Variants in DCUN1D5 observed in about 807,000 individuals in gnomAD.
DCUN1D5 encodes DCN1-like protein 5.
In DCUN1D5, 10 loss-of-function variants were observed where a neutral mutation model predicts 38.3. The observed-to-expected ratio is 0.26, with a 90% confidence interval of 0.16 to 0.44. The LOEUF (loss-of-function observed/expected upper bound fraction) is 0.44, where lower values mean the gene tolerates loss of function less well. Ranked by LOEUF, DCUN1D5 falls within the 20% of genes least tolerant of loss-of-function variation. The pLI, the probability that DCUN1D5 is intolerant of heterozygous loss-of-function variation, is 1.00. For missense variants in DCUN1D5, 148 were observed against 275.3 expected (o/e 0.54, Z 3.27); for synonymous variants, 93 against 90.9 (o/e 1.02, Z -0.13).
In DCUN1D5 at chr11:103,057,675, G is replaced by A. The variant is rs117674362; in HGVS notation, c.*4684C>T. ...GTCGAGGCTGCAGTGAGCTGAGACC[G>A]CACCACTGCACTCCATCCTGGGTGA... On this transcript the variant is annotated 3_prime_UTR_variant, in exon 8 of 8. Transcript: ENST00000260247. The surrounding 1 kb of genome is among the most constrained non-coding windows in gnomAD (Gnocchi z 4.8). Among the ~76,000 whole-genome samples, 2,081 of 151,624 alleles carry A rather than the reference G, an allele frequency of 0.014. 30 individuals are homozygous for A. The highest frequency in any genetic ancestry group is 0.021 in the Non-Finnish European group (1,458 of 67,910).
rs2134595949 is a variant in DCUN1D5, at chr11:103,060,291, T to G, written c.*2068A>C. Among the ~76,000 whole-genome samples, 1 of 152,178 alleles carries G rather than the reference T, an allele frequency of 6.6e-6. No homozygotes were observed. The highest frequency in any genetic ancestry group is 2.4e-5 in the African/African-American group (1 of 41,514). On this transcript the variant is annotated 3_prime_UTR_variant, in exon 8 of 8. Transcript: ENST00000260247. Reference sequence around the variant, plus strand: ...ACTTTAAGGGAAAAAATAAAGTAAATTTCATTTTCAGACTCAAAAAGTCTT... The same window carrying G: ...ACTTTAAGGGAAAAAATAAAGTAAAGTTCATTTTCAGACTCAAAAAGTCTT...
At chr11:103,068,312 G>C (rs957002453) in intron 4 of DCUN1D5, among the ~76,000 whole-genome samples, 2 of 151,976 alleles carry the variant, frequency 1.3e-5, no homozygotes, top group African/African-American at 2.4e-5. Flanking sequence ...ATTCGATCCA[G>C]CAATCCCATT....
chr11:103,070,450 G>T (rs1862244024), intron 4 of DCUN1D5, among the ~76,000 whole-genome samples: 1 of 152,120 alleles, frequency 6.6e-6, no homozygotes, highest in Admixed American at 6.5e-5. Context: ...CAAAGAAAAT[G>T]ATCAGAACAG....
At position 103,053,177 on chromosome 11, in the gene DCUN1D5, C is replaced by A. The variant is rs953110054; in HGVS notation, c.*9182G>T. On this transcript the variant is annotated 3_prime_UTR_variant, in exon 8 of 8. Transcript: ENST00000260247. The surrounding 1 kb of genome is among the most constrained non-coding windows in gnomAD (Gnocchi z 4.8). ...AAAAATAGAGTCCTTCCTATGAAGT[C>A]AAACCAATCCACTTTTAAAGACAGC... 2.0e-5 allele frequency: 3 copies of A among 151,998 alleles called. No individual in the cohort carries two copies. Among genetic ancestry groups the A allele is most frequent in the African/African-American group, 7.2e-5 (3 of 41,404 alleles). 9.4% of individuals were successfully genotyped at this position (151,998 alleles called of 1,614,324 possible).
intron 2 of DCUN1D5, among the ~76,000 whole-genome samples, chr11:103,088,518 T>C (rs902721744): frequency 2.0e-5 from 3 of 152,330 alleles, no homozygotes; most frequent in Admixed American, 1.3e-4. Context: ...AACCCCATCC[T>C]GGGCCTAGGG....
chr11:103,084,351 G>C (rs765269788), intron 2 of DCUN1D5, among the ~76,000 whole-genome samples: 1 of 152,146 alleles, frequency 6.6e-6, no homozygotes. Flanking sequence ...ACCATATTTA[G>C]GTTACTAGCA....
chr11:103,083,440 G>T lies in DCUN1D5; in HGVS notation c.179-114C>A. On this transcript the variant is annotated intron_variant, in intron 2 of 7. Coordinates refer to ENST00000260247, the MANE Select transcript of DCUN1D5 (RefSeq NM_032299.4). This position sits in a 1 kb window ranked among gnomAD's most constrained non-coding sequence, Gnocchi z 4.4. ...TAATATTTTGCAAATAATTAAATTTGAATTTTGGCATAGCTTTGATAAGTA... is the reference window on the plus strand; with the variant it reads ...TAATATTTTGCAAATAATTAAATTTTAATTTTGGCATAGCTTTGATAAGTA... 1 of 581,458 alleles carries T rather than the reference G, an allele frequency of 1.7e-6. No individual in the cohort carries two copies. 36.0% of individuals were successfully genotyped at this position (581,458 alleles called of 1,614,324 possible).
rs758256400 is a variant in DCUN1D5 at position 103,062,365 on chromosome 11, T to A, written c.708A>T (p.Thr236=). The A allele has an allele frequency of 6.2e-7, 1 of 1,613,638 alleles. No individual in the cohort carries two copies. The highest frequency in any genetic ancestry group is 1.1e-5 in the South Asian group (1 of 91,056). The change falls in exon 8 of 8, where the codon ACA becomes ACT. Residue 236 remains threonine (T), a synonymous_variant. Transcript: ENST00000260247. The surrounding 1 kb of genome is among the most constrained non-coding windows in gnomAD (Gnocchi z 4.6). The part of the protein sequence containing the change: ...EFVEWQKVRQ[T]S ...TTTCTTCACATAGTTCTTGCTATGA[T>A]GTCTGACGGACTTTTTGCCACTCAA...
chr11:103,060,014 T>C lies in DCUN1D5; in HGVS notation c.*2345A>G, dbSNP rs1861972565. On this transcript the variant is annotated 3_prime_UTR_variant, in exon 8 of 8. Coordinates refer to ENST00000260247, the MANE Select transcript of DCUN1D5 (RefSeq NM_032299.4). Reference sequence around the variant, plus strand: ...GCAGGGTCCTTAATATTGTATTGTTTATATCACTTAACATTTTTGATCATA... The same window carrying C: ...GCAGGGTCCTTAATATTGTATTGTTCATATCACTTAACATTTTTGATCATA... Among the ~76,000 whole-genome samples, 1 of 152,204 alleles carries C rather than the reference T, an allele frequency of 6.6e-6. No homozygotes were observed. The highest frequency in any genetic ancestry group is 1.5e-5 in the Non-Finnish European group (1 of 68,032).
Position 103,069,477 on chromosome 11 carries a change from A to G in DCUN1D5, c.342-2910T>C, listed in dbSNP as rs537273205. Reference sequence around the variant, plus strand: ...AAATGTCCACCCTTACCAGGATATAATAAAGCCTCTCTCTCAACTCCTACA... The same window carrying G: ...AAATGTCCACCCTTACCAGGATATAGTAAAGCCTCTCTCTCAACTCCTACA... On this transcript the variant is annotated intron_variant, in intron 4 of 7. Coordinates refer to ENST00000260247, the MANE Select transcript of DCUN1D5 (RefSeq NM_032299.4). Among the ~76,000 whole-genome samples the G allele has an allele frequency of 2.0e-5, 3 of 152,220 alleles. 1 individual carries two copies. In the South Asian group the frequency reaches 6.2e-4, roughly 31 times the overall value.
intron 2 of DCUN1D5, among the ~76,000 whole-genome samples, chr11:103,084,943 C>T (rs939656269): frequency 5.9e-5 from 9 of 151,798 alleles, no homozygotes; most frequent in African/African-American, 2.2e-4. Flanking sequence ...GCCATGATCA[C>T]GCCATTGTAC....
Position 103,091,005 on chromosome 11 carries a change from T to C in DCUN1D5, c.86+782A>G, listed in dbSNP as rs1862848314. 6.6e-6 allele frequency among the ~76,000 whole-genome samples: 1 copy of C among 152,332 alleles called. No individual in the cohort carries two copies. The highest frequency in any genetic ancestry group is 2.1e-4 in the South Asian group (1 of 4,826). On this transcript the variant is annotated intron_variant, in intron 1 of 7. Transcript: ENST00000260247. This position sits in a 1 kb window ranked among gnomAD's most constrained non-coding sequence, Gnocchi z 4.3. The stretch of plus-strand genomic sequence containing the variant: ...CATAAATTTTGCTGTGATGCCTCCA[T>C]GATATGCTACAAGGGGATCAAAGAG...
intron 1 of DCUN1D5, among the ~76,000 whole-genome samples, chr11:103,090,780 C>G (rs897787668): frequency 6.6e-6 from 1 of 152,030 alleles, no homozygotes; most frequent in African/African-American, 2.4e-5. Context: ...GGCGTGGTGG[C>G]GGGCGCCTAT....
At position 103,060,366 on chromosome 11, in the gene DCUN1D5, C is replaced by T. The variant is rs182613720; in HGVS notation, c.*1993G>A. ...AAAGTAAATACTGTTGACCCTTGAA[C>T]AGCATGAGTTTGAACTGTGTGGGTC... is the stretch of plus-strand genomic sequence containing the variant. On this transcript the variant is annotated 3_prime_UTR_variant, in exon 8 of 8. Transcript: ENST00000260247. Among the ~76,000 whole-genome samples, 4 of 152,134 alleles carry T rather than the reference C, an allele frequency of 2.6e-5. No individual in the cohort carries two copies. The highest frequency in any genetic ancestry group is 9.7e-5 in the African/African-American group (4 of 41,416).
intron 4 of DCUN1D5, among the ~76,000 whole-genome samples, chr11:103,076,647 G>C (rs959613939): frequency 1.4e-4 from 21 of 152,112 alleles, no homozygotes; most frequent in African/African-American, 5.1e-4. Context: ...ACAACTATAT[G>C]GCAAGTTACT....
Position 103,051,055 on chromosome 11 carries a change from A to G in DCUN1D5, c.*11304T>C, listed in dbSNP as rs564422797. The G allele has an allele frequency of 2.0e-5, 3 of 152,300 alleles. No individual in the cohort carries two copies. The highest frequency in any genetic ancestry group is 4.4e-5 in the Non-Finnish European group (3 of 68,028). The allele number at this position is 152,300 out of a possible 1,614,324, so 9.4% of individuals were successfully genotyped here. ...GGTGCTGCAACTTCTGGACATAAAGAAGTTCCAATAAATCCAATCTTACAT... is the reference window on the plus strand; with the variant it reads ...GGTGCTGCAACTTCTGGACATAAAGGAGTTCCAATAAATCCAATCTTACAT... On this transcript the variant is annotated 3_prime_UTR_variant, in exon 8 of 8. Transcript: ENST00000260247.
In DCUN1D5 at chr11:103,089,879, A is replaced by G. The variant is rs191093964; in HGVS notation, c.87-561T>C. ...AACAACAAAAAAACACTAAAAGTTAATAATAGTCCAAATAATTGGGACAAG... is the reference window on the plus strand; with the variant it reads ...AACAACAAAAAAACACTAAAAGTTAGTAATAGTCCAAATAATTGGGACAAG... On this transcript the variant is annotated intron_variant, in intron 1 of 7. Transcript: ENST00000260247. 3.3e-5 allele frequency among the ~76,000 whole-genome samples: 5 copies of G among 152,296 alleles called. No homozygotes were observed. The East Asian group carries it at 7.7e-4, about 23-fold the overall frequency.
At chr11:103,088,199 A>T (rs1285630424) in intron 2 of DCUN1D5, among the ~76,000 whole-genome samples, 1 of 152,206 alleles carries the variant, frequency 6.6e-6, no homozygotes, top group Non-Finnish European at 1.5e-5. Context: ...TTCAAAGTAT[A>T]CTACTTTAGA....
Position 103,087,323 on chromosome 11 carries a change from AC to A in DCUN1D5, c.178+1903del, listed in dbSNP as rs1565294344. 6.6e-6 allele frequency among the ~76,000 whole-genome samples: 1 copy of A among 151,606 alleles called. No homozygotes were observed. The highest frequency in any genetic ancestry group is 1.9e-4 in the East Asian group (1 of 5,160). On this transcript the variant is annotated intron_variant, in intron 2 of 7. Transcript: ENST00000260247. The surrounding 1 kb of genome is among the most constrained non-coding windows in gnomAD (Gnocchi z 4.1). ...GTAGCTGGGACTACAGGCGCACACC[AC>A]CACGCCCGGCTAATTGTTTGTGTTT...
Sources: allele counts gnomAD v4.1 joint callset (sites outside exome capture counted in the v4.1 genomes callset), GRCh38; gene constraint gnomAD v4.1.1; non-coding constraint Gnocchi (gnomAD v3.1); transcripts MANE v1.5; gene names NCBI Gene and HGNC (gene_info 2026-07-23, HGNC 2026-07-21).